Variants in KPNA1 observed in about 807,000 individuals in gnomAD.
KPNA1 encodes the protein karyopherin subunit alpha 1.
KPNA1 carries 10 observed loss-of-function variants against 70.5 expected under a neutral mutation model. The ratio of observed to expected loss-of-function variants is 0.14; its 90% CI spans 0.09 to 0.24. The LOEUF is 0.24. KPNA1 is among the 10% of genes least tolerant of loss of function. KPNA1 has a pLI of 1.00. For synonymous variants in KPNA1, 192 were observed against 221.9 expected (o/e 0.87, Z 1.20); for missense variants, 397 against 637.9 (o/e 0.62, Z 4.07).
chr3:122,499,057 A>G (rs2076794845), intron 1 of KPNA1, among the ~76,000 whole-genome samples: 2 of 152,242 alleles, frequency 1.3e-5, no homozygotes, highest in Admixed American at 1.3e-4. Flanking sequence ...TGATTTTTGT[A>G]TACTGATCTT....
At chr3:122,430,866 A>G (rs1576273019) in intron 12 of KPNA1, among the ~76,000 whole-genome samples, 1 of 152,118 alleles carries the variant, frequency 6.6e-6, no homozygotes, top group Non-Finnish European at 1.5e-5. Flanking sequence ...CCAATACCCA[A>G]GACTGAGGCT....
intron 1 of KPNA1, among the ~76,000 whole-genome samples, chr3:122,511,742 T>C (rs1188213588): frequency 6.6e-6 from 1 of 152,216 alleles, no homozygotes; most frequent in South Asian, 2.1e-4. Context: ...AGTACAAAGA[T>C]ACCTTAAAAC....
intron 1 of KPNA1, among the ~76,000 whole-genome samples, chr3:122,514,311 T>G (rs941092114): frequency 3.9e-5 from 6 of 151,984 alleles, no homozygotes; most frequent in African/African-American, 1.4e-4. Context: ...GGTTAGAATT[T>G]TTACACGCCA....
At chr3:122,443,980 G>C (rs1275755473) in intron 9 of KPNA1, among the ~76,000 whole-genome samples, 1 of 152,166 alleles carries the variant, frequency 6.6e-6, no homozygotes, top group Non-Finnish European at 1.5e-5. Context: ...CCTAATCCTA[G>C]CAAGCCTGAG....
chr3:122,500,051 T>C (rs2076809034), intron 1 of KPNA1, among the ~76,000 whole-genome samples: 1 of 152,230 alleles, frequency 6.6e-6, no homozygotes, highest in Non-Finnish European at 1.5e-5. Flanking sequence ...TGGTAGTTTT[T>C]GTCTTTCCAA....
chr3:122,478,225 T>C (rs2076526823), intron 2 of KPNA1, among the ~76,000 whole-genome samples: 1 of 150,384 alleles, frequency 6.6e-6, no homozygotes, highest in Non-Finnish European at 1.5e-5. Flanking sequence ...GAAATGGTGC[T>C]GGAACAACTG....
intron 4 of KPNA1, among the ~76,000 whole-genome samples, chr3:122,461,879 T>C (rs753007788): frequency 6.6e-6 from 1 of 152,060 alleles, no homozygotes; most frequent in Non-Finnish European, 1.5e-5. Context: ...ATAAGGCAAA[T>C]AGGAGGGAAA....
At position 122,460,785 on chromosome 3, in the gene KPNA1, G is replaced by A. The variant is rs60222267; in HGVS notation, c.432+439C>T. 22 of 432,620 alleles carry A rather than the reference G, an allele frequency of 5.1e-5. No homozygotes were observed. In the East Asian group the frequency reaches 9.6e-4, roughly 19 times the overall value. The allele number at this position is 432,620 out of a possible 1,614,324, so 26.8% of individuals were successfully genotyped here. A position where few individuals can be genotyped will look rare whatever the true frequency, so the allele number is the denominator to read the frequency against. On this transcript the variant is annotated intron_variant, in intron 5 of 13. Coordinates refer to ENST00000344337, the MANE Select transcript of KPNA1 (RefSeq NM_002264.4). ...TTCCTGACAAAGTTATCTCCTTATC[G>A]GCTTTTTGTGGGGTGGAGGAAGAAT...
Position 122,437,278 on chromosome 3 carries a change from T to C in KPNA1, c.1014A>G (p.Ser338=). The change falls in exon 11 of 14, where the codon TCA becomes TCG. Residue 338 remains serine, a synonymous_variant. Coordinates refer to ENST00000344337, the MANE Select transcript of KPNA1 (RefSeq NM_002264.4). ...DIQTQVILNC[S]ALQSLLHLLS... ...GCAAATGCAATAAACTCTGCAGAGCTGAGCAATTCAGAATTACCTAAAAGA... is the reference window on the plus strand; with the variant it reads ...GCAAATGCAATAAACTCTGCAGAGCCGAGCAATTCAGAATTACCTAAAAGA... 1 of 1,604,470 alleles carries C rather than the reference T, an allele frequency of 6.2e-7. No individual in the cohort carries two copies. Among genetic ancestry groups the C allele is most frequent in the Non-Finnish European group, 8.5e-7 (1 of 1,176,436 alleles).
chr3:122,478,894 CAAAAAA>C (rs57843662), intron 2 of KPNA1, among the ~76,000 whole-genome samples: 4 of 18,684 alleles, frequency 2.1e-4, no homozygotes, highest in East Asian at 3.1e-3. Flanking sequence ...AACCTCGTCT[CAAAAAA>C]AAAAAAAAAA....
At chr3:122,506,702 A>G (rs1465800142) in intron 1 of KPNA1, among the ~76,000 whole-genome samples, 2 of 152,194 alleles carry the variant, frequency 1.3e-5, no homozygotes, top group African/African-American at 4.8e-5. Flanking sequence ...ATGGCAATAC[A>G]TATTTTCTTT....
At chr3:122,487,834 A>G (rs974771745) in intron 2 of KPNA1, among the ~76,000 whole-genome samples, 1 of 152,236 alleles carries the variant, frequency 6.6e-6, no homozygotes, top group African/African-American at 2.4e-5. Flanking sequence ...TATATGTTAT[A>G]TAACAATGTG....
Position 122,425,479 on chromosome 3 carries a change from A to C in KPNA1, c.*1506T>G, listed in dbSNP as rs563325889. On this transcript the variant is annotated 3_prime_UTR_variant, in exon 14 of 14. Transcript: ENST00000344337. ...TCCTTCAGAATTCACTTTGAACAGCACATCAACAAAAAAATCTTCTCTGGT... is the reference window on the plus strand; with the variant it reads ...TCCTTCAGAATTCACTTTGAACAGCCCATCAACAAAAAAATCTTCTCTGGT... The C allele has an allele frequency of 1.1e-4, 17 of 152,670 alleles. No homozygotes were observed. The highest frequency in any genetic ancestry group is 4.1e-4 in the African/African-American group (17 of 41,462). The allele number at this position is 152,670 out of a possible 1,614,324, so 9.5% of individuals were successfully genotyped here.
intron 2 of KPNA1, among the ~76,000 whole-genome samples, chr3:122,471,700 G>A (rs1037356973): frequency 1.3e-5 from 2 of 152,064 alleles, no homozygotes; most frequent in African/African-American, 2.4e-5. Context: ...AAATTAGCCA[G>A]GCATGGTGGT....
intron 10 of KPNA1, among the ~76,000 whole-genome samples, chr3:122,438,709 A>G (rs979746560): frequency 2.0e-5 from 3 of 152,194 alleles, no homozygotes; most frequent in Non-Finnish European, 4.4e-5. Flanking sequence ...TAGCAATGAA[A>G]TAACAGACTA....
At chr3:122,503,546 C>G (rs1487795010) in intron 1 of KPNA1, among the ~76,000 whole-genome samples, 1 of 152,162 alleles carries the variant, frequency 6.6e-6, no homozygotes, top group Non-Finnish European at 1.5e-5. Flanking sequence ...CAATCACATA[C>G]AGAAGACAGT....
At chr3:122,507,518 TTC>T (rs1176756555) in intron 1 of KPNA1, among the ~76,000 whole-genome samples, 1 of 152,042 alleles carries the variant, frequency 6.6e-6, no homozygotes, top group Non-Finnish European at 1.5e-5. Flanking sequence ...CTTCCAAATT[TTC>T]TGTGATAAGC....
Position 122,433,653 on chromosome 3 carries a change from G to C in KPNA1, c.1250+8C>G. On this transcript the variant is annotated splice_region_variant and intron_variant, in intron 12 of 13. Coordinates refer to ENST00000344337, the MANE Select transcript of KPNA1 (RefSeq NM_002264.4). ...TAACTTACAATATGCTGCCTGATTG[G>C]TACTTACTTGATCTGTTCAGCTGAT... 1.3e-6 allele frequency: 2 copies of C among 1,590,570 alleles called. No individual in the cohort carries two copies. The highest frequency in any genetic ancestry group is 2.3e-5 in the South Asian group (2 of 86,552).
At chr3:122,442,141 T>C (rs772884116) in intron 9 of KPNA1, 25 bp from the exon 10 acceptor site, 13 of 1,538,050 alleles carry the variant, frequency 8.5e-6, no homozygotes, top group Admixed American at 3.4e-5. Flanking sequence ...AGTAATGTTA[T>C]AGCAAACAGT....
Sources: allele counts gnomAD v4.1 joint callset (sites outside exome capture counted in the v4.1 genomes callset), GRCh38; gene constraint gnomAD v4.1.1; transcripts MANE v1.5; gene names NCBI Gene and HGNC (gene_info 2026-07-23, HGNC 2026-07-21).